Variants in CDK12 observed in about 807,000 individuals in gnomAD.
CDK12 encodes the protein cyclin dependent kinase 12.
Under a neutral mutation model 133.8 loss-of-function variants are expected in CDK12, and 17 were observed. That is an observed-to-expected ratio of 0.13 (90% CI 0.09 to 0.19). CDK12 has a LOEUF of 0.19. CDK12 is among the 10% of genes least tolerant of loss of function. The pLI is 1.00. For synonymous variants in CDK12, 694 were observed against 683.6 expected (o/e 1.02, Z -0.24); for missense variants, 1,508 against 1,818.7 (o/e 0.83, Z 3.11).
At chr17:39,550,596 C>T (rs952111495) in intron 1 of CDK12, 14 of 152,058 alleles carry the variant, frequency 9.2e-5, no homozygotes, top group African/African-American at 2.2e-4. Context: ...TATGGAGAGA[C>T]GGAGGAGAAG....
At chr17:39,509,895 G>A in intron 7 of CDK12, 134 bp downstream of exon 7, 1 of 681,738 alleles carries the variant, frequency 1.5e-6, no homozygotes, top group South Asian at 1.7e-5. Flanking sequence ...CAACCTCTGT[G>A]GGCTCAGGTG....
chr17:39,478,200 AT>A (rs71353586), intron 2 of CDK12, among the ~76,000 whole-genome samples: 10 of 147,020 alleles, frequency 6.8e-5, no homozygotes, highest in African/African-American at 1.8e-4. Context: ...TTTGGCCATT[AT>A]TTTTTTTTTT....
At position 39,514,690 on chromosome 17, in the gene CDK12, G is replaced by A. The variant is rs190766474; in HGVS notation, c.2769-1041G>A. On this transcript the variant is annotated intron_variant, in intron 8 of 13. Coordinates refer to ENST00000447079, the MANE Select transcript of CDK12 (RefSeq NM_016507.4). ...AATGTATGGAAAAGTTACAGGAATA[G>A]TACAGAAAACTTTAGTATAGCCTTA... Among the ~76,000 whole-genome samples the A allele has an allele frequency of 3.5e-4, 54 of 152,200 alleles. No homozygotes were observed. In the East Asian group the frequency reaches 8.3e-3, roughly 23 times the overall value.
chr17:39,492,900 G>A lies in CDK12; in HGVS notation c.2248+10G>A, dbSNP rs534708853. 2 of 1,588,006 alleles carry A rather than the reference G, an allele frequency of 1.3e-6. No individual in the cohort carries two copies. The highest frequency in any genetic ancestry group is 1.7e-6 in the Non-Finnish European group (2 of 1,171,032). On this transcript the variant is annotated intron_variant, in intron 4 of 13. Transcript: ENST00000447079. ...AAGGACAAAGACACAGGTAAATATT[G>A]CCACAAAATTTTAGATGTCAGAATG...
chr17:39,519,763 A>T (rs148107459), intron 10 of CDK12, among the ~76,000 whole-genome samples, 193 bp from the exon 11 acceptor site: 1,942 of 151,708 alleles, frequency 0.013, 21 homozygotes, highest in Middle Eastern at 0.031. Flanking sequence ...GCTAATTAAA[A>T]ATATATATAT....
chr17:39,510,114 CTTTTTTTT>C (rs762953806), intron 7 of CDK12, among the ~76,000 whole-genome samples: 2 of 125,480 alleles, frequency 1.6e-5, no homozygotes, highest in East Asian at 2.2e-4. Flanking sequence ...CAATCTCTCT[CTTTTTTTT>C]TTTTTTTTTT....
chr17:39,489,728 G>A (rs898288250), intron 2 of CDK12, among the ~76,000 whole-genome samples: 1 of 150,170 alleles, frequency 6.7e-6, no homozygotes, highest in Non-Finnish European at 1.5e-5. Context: ...TTTTGATCTC[G>A]TGATCTGCCC....
intron 1 of CDK12, among the ~76,000 whole-genome samples, chr17:39,465,542 A>G (rs2049244448): frequency 6.6e-6 from 1 of 151,522 alleles, no homozygotes; most frequent in Non-Finnish European, 1.5e-5. Flanking sequence ...GCTGGAGTGC[A>G]GTGGAGCGAT....
intron 9 of CDK12, 109 bp from the exon 10 acceptor site, chr17:39,517,331 C>A (rs919949113): frequency 5.8e-6 from 4 of 689,782 alleles, no homozygotes; most frequent in South Asian, 5.4e-5. Context: ...AATGTAATAA[C>A]CAAAGATTCC....
At chr17:39,479,171 G>A (rs2050440628) in intron 2 of CDK12, among the ~76,000 whole-genome samples, 1 of 152,040 alleles carries the variant, frequency 6.6e-6, no homozygotes, top group Admixed American at 6.6e-5. Context: ...AGCCGGGCAT[G>A]GTGGCGGGCC....
chr17:39,464,079 C>G (rs1461199422), intron 1 of CDK12, among the ~76,000 whole-genome samples: 1 of 152,054 alleles, frequency 6.6e-6, no homozygotes, highest in Non-Finnish European at 1.5e-5. Context: ...TAAATACCTA[C>G]TTTTAAGGGT....
At chr17:39,495,657 T>C (rs1032886644) in intron 5 of CDK12, among the ~76,000 whole-genome samples, 2 of 151,332 alleles carry the variant, frequency 1.3e-5, no homozygotes, top group African/African-American at 4.9e-5. Context: ...TAGCCGGACA[T>C]GGTGGCAGGC....
At chr17:39,480,195 A>AT (rs2050531941) in intron 2 of CDK12, among the ~76,000 whole-genome samples, 1 of 151,792 alleles carries the variant, frequency 6.6e-6, no homozygotes, top group African/African-American at 2.4e-5. Context: ...AAGTGCTGGG[A>AT]TATAGGCGCG....
Position 39,471,404 on chromosome 17 carries a change from G to C in CDK12, c.1572G>C (p.Glu524Asp), listed in dbSNP as rs1382306405. The C allele has an allele frequency of 6.2e-7, 1 of 1,613,908 alleles. No individual in the cohort carries two copies. Among genetic ancestry groups the C allele is most frequent in the South Asian group, 1.1e-5 (1 of 91,070 alleles). ...AGGAGACAGAAACATCAGAAAAGGA[G>C]ACCCCTCCACCTCTTCCCACAATTG... ...TPKETETSEK[E>D]TPPPLPTIAS... Residue 524 changes from glutamate (E) to aspartate (D), a missense_variant, in exon 2 of 14, where the codon GAG becomes GAC. Coordinates refer to ENST00000447079, the MANE Select transcript of CDK12 (RefSeq NM_016507.4).
chr17:39,514,852 C>T (rs886109118), intron 8 of CDK12, among the ~76,000 whole-genome samples: 2 of 152,112 alleles, frequency 1.3e-5, no homozygotes, highest in African/African-American at 4.8e-5. Context: ...CCACAGTTTC[C>T]TTGTGCCCTT....
At chr17:39,464,683 G>A (rs928743467) in intron 1 of CDK12, among the ~76,000 whole-genome samples, 6 of 151,866 alleles carry the variant, frequency 4.0e-5, no homozygotes. Context: ...AAATTTTCCA[G>A]CACAGAAAGG....
chr17:39,524,790 C>T lies in CDK12; in HGVS notation c.3212C>T (p.Thr1071Ile). The stretch of plus-strand genomic sequence containing the variant: ...TCCAAAACTTCTCGAAAAGAAACTA[C>T]CTCAGGGACAAGTACTGAGCCTGTG... ...PPSKTSRKET[T>I]SGTSTEPVKN... The change falls in exon 12 of 14, where the codon ACC becomes ATC. Residue 1071 changes from threonine to isoleucine, a missense_variant. Coordinates refer to ENST00000447079, the MANE Select transcript of CDK12 (RefSeq NM_016507.4). 1.9e-6 allele frequency: 3 copies of T among 1,614,210 alleles called. No homozygotes were observed. The highest frequency in any genetic ancestry group is 1.3e-5 in the African/African-American group (1 of 75,048).
chr17:39,502,313 C>A (rs769638864), intron 6 of CDK12, among the ~76,000 whole-genome samples: 2 of 151,928 alleles, frequency 1.3e-5, no homozygotes, highest in Admixed American at 1.3e-4. Context: ...CCACCACGCC[C>A]AGCTAATTTT....
intron 11 of CDK12, among the ~76,000 whole-genome samples, chr17:39,523,794 C>T (rs946332392): frequency 2.0e-5 from 3 of 152,176 alleles, no homozygotes; most frequent in Middle Eastern, 3.4e-3. Flanking sequence ...GCTGGGATTA[C>T]AGGCACACAC....
Sources: gnomAD v4.1 joint callset for allele counts (sites outside exome capture counted in the v4.1 genomes callset) on GRCh38, gnomAD v4.1.1 for gene constraint, MANE v1.5 for transcripts, NCBI Gene and HGNC (gene_info 2026-07-23, HGNC 2026-07-21) for gene names.